CARMIL1: variants seen among roughly 807,000 people sequenced by gnomAD.
The protein encoded by CARMIL1 is capping protein regulator and myosin 1 linker 1.
A neutral mutation model predicts 177.1 loss-of-function variants in CARMIL1; 90 were observed. The ratio of observed to expected loss-of-function variants is 0.51; its 90% confidence interval spans 0.43 to 0.61. CARMIL1 has a LOEUF of 0.61. Among genes scored for constraint, CARMIL1 ranks in the 20% least tolerant of loss-of-function variants. The pLI is 0.00. For missense variants in CARMIL1, 1,380 were observed against 1,667.0 expected, an observed-to-expected ratio of 0.83 and a Z score of 3.00; for synonymous variants, 577 against 606.2, an observed-to-expected ratio of 0.95 and a Z score of 0.71.
intron 2 of CARMIL1, among the ~76,000 whole-genome samples, chr6:25,410,540 T>G (rs1437225515): frequency 6.6e-6 from 1 of 152,222 alleles, no homozygotes; most frequent in Non-Finnish European, 1.5e-5. Flanking sequence ...CACTAGGCCA[T>G]AGCTGCCACT....
At chr6:25,314,290 T>A (rs1784085734) in intron 2 of CARMIL1, among the ~76,000 whole-genome samples, 1 of 137,550 alleles carries the variant, frequency 7.3e-6, no homozygotes. Context: ...CTGGCCAACA[T>A]GGTGAAACCC....
Position 25,290,297 on chromosome 6 carries a change from G to A in CARMIL1, c.138+5388G>A, listed in dbSNP as rs900790430. Among the ~76,000 whole-genome samples, 5 of 150,732 alleles carry A rather than the reference G, an allele frequency of 3.3e-5. No homozygotes were observed. The East Asian group carries it at 5.9e-4, about 18-fold the overall frequency. ...TTTTTGTAGAGATGGGTTTCACCAC[G>A]TTGTCCAGCTGCTTCTTGAACTCCT... On this transcript the variant is annotated intron_variant, in intron 2 of 36. Transcript: ENST00000329474.
intron 2 of CARMIL1, among the ~76,000 whole-genome samples, chr6:25,382,305 C>T (rs945327190): frequency 1.3e-5 from 2 of 152,028 alleles, no homozygotes; most frequent in African/African-American, 2.4e-5. Flanking sequence ...ATCATGTTGG[C>T]CAGGCTGGTC....
chr6:25,608,077 C>T (rs1816156391), intron 35 of CARMIL1, among the ~76,000 whole-genome samples: 2 of 152,274 alleles, frequency 1.3e-5, no homozygotes, highest in South Asian at 4.1e-4. Context: ...CAAAAGGAGC[C>T]TTGCTCCTAA....
intron 2 of CARMIL1, among the ~76,000 whole-genome samples, chr6:25,408,951 T>C (rs1007337079): frequency 6.6e-6 from 1 of 152,128 alleles, no homozygotes; most frequent in Non-Finnish European, 1.5e-5. Context: ...TCCCCACAAC[T>C]GTCCAACAGA....
intron 22 of CARMIL1, among the ~76,000 whole-genome samples, 153 bp from the exon 23 acceptor site, chr6:25,520,091 T>C (rs1347941254): frequency 6.6e-6 from 1 of 152,236 alleles, no homozygotes; most frequent in East Asian, 1.9e-4. Context: ...TTACAAAGGA[T>C]AATCTGCAAT....
intron 24 of CARMIL1, among the ~76,000 whole-genome samples, chr6:25,530,374 G>A (rs1807627896): frequency 6.6e-6 from 1 of 152,090 alleles, no homozygotes; most frequent in South Asian, 2.1e-4. Flanking sequence ...AAGTAGCCAG[G>A]TGTAGTGGCA....
chr6:25,613,904 T>C (rs1816689854), intron 36 of CARMIL1, among the ~76,000 whole-genome samples: 1 of 152,222 alleles, frequency 6.6e-6, no homozygotes. Flanking sequence ...TGCCCTTCAC[T>C]GCCTCCCAAG....
At chr6:25,587,259 CTTAAT>C (rs71848983) in intron 31 of CARMIL1, among the ~76,000 whole-genome samples, 2,957 of 151,720 alleles carry the variant, frequency 0.019, 79 homozygotes, top group African/African-American at 0.061. Flanking sequence ...TTCCTTTTTA[CTTAAT>C]TTAAGTAGAT....
chr6:25,311,017 C>G (rs928773183), intron 2 of CARMIL1, among the ~76,000 whole-genome samples: 2 of 143,444 alleles, frequency 1.4e-5, no homozygotes, highest in Non-Finnish European at 3.0e-5. Context: ...TCCATCTCTA[C>G]TAAAAATACA....
At chr6:25,438,088 C>G (rs945843026) in intron 5 of CARMIL1, among the ~76,000 whole-genome samples, 1 of 152,156 alleles carries the variant, frequency 6.6e-6, no homozygotes, top group Admixed American at 6.5e-5. Flanking sequence ...CAATCAGGCT[C>G]TCTCATATTT....
intron 31 of CARMIL1, among the ~76,000 whole-genome samples, chr6:25,593,585 G>A (rs1256953774): frequency 6.6e-6 from 1 of 152,192 alleles, no homozygotes; most frequent in South Asian, 2.1e-4. Context: ...AGAAGCCTCA[G>A]GATCCAGGCG....
chr6:25,296,687 A>G (rs1478376996), intron 2 of CARMIL1, among the ~76,000 whole-genome samples: 1 of 152,226 alleles, frequency 6.6e-6, no homozygotes, highest in Non-Finnish European at 1.5e-5. Flanking sequence ...AGTCCAGGCC[A>G]GTGAATGTTA....
At chr6:25,299,465 C>A (rs959799307) in intron 2 of CARMIL1, among the ~76,000 whole-genome samples, 2 of 152,050 alleles carry the variant, frequency 1.3e-5, no homozygotes, top group African/African-American at 4.8e-5. Context: ...AGTCACAGCA[C>A]CCGGCCCATG....
intron 23 of CARMIL1, 48 bp from the exon 24 acceptor site, chr6:25,528,747 C>T (rs766379546): frequency 8.2e-6 from 11 of 1,340,298 alleles, no homozygotes; most frequent in South Asian, 1.3e-5. Flanking sequence ...CTTTATTCTC[C>T]GCTGGGTTGA....
At chr6:25,565,971 C>T (rs934590555) in intron 29 of CARMIL1, among the ~76,000 whole-genome samples, 2 of 152,198 alleles carry the variant, frequency 1.3e-5, no homozygotes, top group African/African-American at 4.8e-5. Flanking sequence ...TGAGTTCCCC[C>T]TTTCCCTCCC....
intron 9 of CARMIL1, among the ~76,000 whole-genome samples, chr6:25,469,301 G>T (rs1220279767): frequency 6.6e-6 from 1 of 152,180 alleles, no homozygotes; most frequent in African/African-American, 2.4e-5. Flanking sequence ...CTTGGCTAGA[G>T]AACTTGTGCC....
At chr6:25,573,817 T>G (rs573485066) in intron 29 of CARMIL1, among the ~76,000 whole-genome samples, 24 of 152,220 alleles carry the variant, frequency 1.6e-4, no homozygotes, top group African/African-American at 5.5e-4. Flanking sequence ...AGGTTAATAT[T>G]AATTTTTTTA....
chr6:25,523,341 T>A (rs1474395701), intron 23 of CARMIL1, among the ~76,000 whole-genome samples: 1 of 152,236 alleles, frequency 6.6e-6, no homozygotes, highest in African/African-American at 2.4e-5. Context: ...ATGTAATTCT[T>A]ACTGGGTGTC....
Sources: gnomAD v4.1 joint callset for allele counts (sites outside exome capture counted in the v4.1 genomes callset) on GRCh38, gnomAD v4.1.1 for gene constraint, MANE v1.5 for transcripts, NCBI Gene and HGNC (gene_info 2026-07-23, HGNC 2026-07-21) for gene names.